PTPRD: variants seen among roughly 807,000 people sequenced by gnomAD.
The protein encoded by PTPRD is receptor-type tyrosine-protein phosphatase delta.
Under a neutral mutation model 214.5 loss-of-function variants are expected in PTPRD, and 34 were observed. The observed-to-expected ratio is 0.16, with a 90% CI of 0.12 to 0.21. PTPRD has a LOEUF of 0.21. PTPRD is among the 10% of genes least tolerant of loss of function. The probability of loss-of-function intolerance (pLI) is 1.00; values close to 1 mark genes in which losing one functional copy is unlikely to be tolerated. For missense variants in PTPRD, 2,545 were observed against 2,398.7 expected (o/e 1.06, Z -1.27); for synonymous variants, 1,128 against 845.7 (o/e 1.33, Z -5.79).
At chr9:9,386,448 C>A (rs186776177) in intron 9 of PTPRD, among the ~76,000 whole-genome samples, 1 of 151,486 alleles carries the variant, frequency 6.6e-6, no homozygotes, top group Non-Finnish European at 1.5e-5. Context: ...CCCGGTAAAA[C>A]GAATGGTGGT....
chr9:8,624,218 G>GA (rs1053277110), intron 14 of PTPRD, among the ~76,000 whole-genome samples: 1 of 151,678 alleles, frequency 6.6e-6, no homozygotes, highest in East Asian at 1.9e-4. Context: ...GTAACAGGGG[G>GA]AAAAAAAGGA....
At chr9:8,411,328 G>A (rs13292038) in intron 35 of PTPRD, among the ~76,000 whole-genome samples, 57,235 of 141,308 alleles carry the variant, frequency 0.41, 11,800 homozygotes, top group Non-Finnish European at 0.48. Flanking sequence ...TTTTTTTTGT[G>A]GCAGGGTCAT....
chr9:9,002,294 G>T (rs1317544926), intron 11 of PTPRD, among the ~76,000 whole-genome samples: 1 of 151,718 alleles, frequency 6.6e-6, no homozygotes, highest in Non-Finnish European at 1.5e-5. Flanking sequence ...ATGAGGCACT[G>T]AAGTATATTA....
intron 10 of PTPRD, among the ~76,000 whole-genome samples, chr9:9,114,276 C>T (rs1009216980): frequency 6.6e-6 from 1 of 152,092 alleles, no homozygotes; most frequent in Non-Finnish European, 1.5e-5. Flanking sequence ...AACGAGGGCA[C>T]TTATGTCTGT....
chr9:10,611,216 T>C (rs1355705420), intron 2 of PTPRD, among the ~76,000 whole-genome samples: 1 of 152,144 alleles, frequency 6.6e-6, no homozygotes, highest in Non-Finnish European at 1.5e-5. Flanking sequence ...TAGACTCTAG[T>C]CAGTATAAGT....
intron 11 of PTPRD, among the ~76,000 whole-genome samples, chr9:8,794,435 C>A (rs1416490163): frequency 6.6e-6 from 1 of 151,864 alleles, no homozygotes; most frequent in Non-Finnish European, 1.5e-5. Context: ...TGAAAGAATT[C>A]CAAATAATTA....
intron 11 of PTPRD, among the ~76,000 whole-genome samples, chr9:8,820,712 T>C (rs1036004374): frequency 2.0e-5 from 3 of 152,060 alleles, no homozygotes; most frequent in Non-Finnish European, 2.9e-5. Context: ...AATTAAAATA[T>C]ATACATACTA....
chr9:8,569,494 T>G (rs1359174203), intron 14 of PTPRD, among the ~76,000 whole-genome samples: 1 of 152,080 alleles, frequency 6.6e-6, no homozygotes, highest in Non-Finnish European at 1.5e-5. Flanking sequence ...CCATAAAAAC[T>G]GGAGAAAAAA....
At chr9:10,412,087 C>G (rs938016679) in intron 2 of PTPRD, among the ~76,000 whole-genome samples, 3 of 151,680 alleles carry the variant, frequency 2.0e-5, no homozygotes, top group Non-Finnish European at 4.4e-5. Flanking sequence ...TTCATGTAAA[C>G]TCTGCAGTGC....
At chr9:9,918,608 C>T (rs1436360954) in intron 5 of PTPRD, among the ~76,000 whole-genome samples, 2 of 151,984 alleles carry the variant, frequency 1.3e-5, no homozygotes, top group African/African-American at 2.4e-5. Flanking sequence ...CATCCTGAGA[C>T]AAAACAGCAA....
intron 2 of PTPRD, among the ~76,000 whole-genome samples, chr9:10,604,278 A>T (rs2078737714): frequency 6.6e-6 from 1 of 151,892 alleles, no homozygotes; most frequent in Non-Finnish European, 1.5e-5. Context: ...CTTTCTCTTA[A>T]AATAGCTATC....
intron 39 of PTPRD, among the ~76,000 whole-genome samples, chr9:8,348,880 A>G (rs2074610850): frequency 6.6e-6 from 1 of 152,056 alleles, no homozygotes; most frequent in Non-Finnish European, 1.5e-5. Context: ...GACAATTTAT[A>G]ACTATTTTTT....
chr9:10,399,855 T>C (rs573327262), intron 2 of PTPRD, among the ~76,000 whole-genome samples: 2 of 151,918 alleles, frequency 1.3e-5, no homozygotes, highest in Admixed American at 6.6e-5. Context: ...AAAGGGGTAT[T>C]TGAGCTGGAG....
intron 2 of PTPRD, among the ~76,000 whole-genome samples, chr9:10,535,519 T>G (rs576076286): frequency 6.6e-6 from 1 of 152,232 alleles, no homozygotes; most frequent in East Asian, 1.9e-4. Context: ...AAAAATGCAC[T>G]TTGCTAATGG....
At chr9:9,371,088 T>C (rs1461223074) in intron 9 of PTPRD, among the ~76,000 whole-genome samples, 1 of 150,590 alleles carries the variant, frequency 6.6e-6, no homozygotes, top group African/African-American at 2.5e-5. Context: ...TTTGTTTTTT[T>C]CTCTGCCAGC....
chr9:9,836,278 A>T (rs777497207), intron 5 of PTPRD, among the ~76,000 whole-genome samples: 11 of 152,134 alleles, frequency 7.2e-5, no homozygotes, highest in Non-Finnish European at 1.2e-4. Context: ...TTATTTGAAT[A>T]CTTCCAGAAT....
intron 6 of PTPRD, among the ~76,000 whole-genome samples, chr9:9,739,231 G>T (rs561942149): frequency 6.6e-6 from 1 of 152,162 alleles, no homozygotes; most frequent in Non-Finnish European, 1.5e-5. Context: ...GAATACAAGT[G>T]GTGATACTGG....
chr9:9,954,034 T>C (rs1278414379), intron 4 of PTPRD, among the ~76,000 whole-genome samples: 37 of 152,118 alleles, frequency 2.4e-4, no homozygotes, highest in Non-Finnish European at 2.9e-5. Flanking sequence ...CGGTGGCTCA[T>C]GCTGGTAATC....
chr9:10,403,935 A>G (rs1297337388), intron 2 of PTPRD, among the ~76,000 whole-genome samples: 1 of 151,680 alleles, frequency 6.6e-6, no homozygotes, highest in African/African-American at 2.4e-5. Context: ...ATGCCATTAC[A>G]ACATTAGTCC....
Sources: allele counts gnomAD v4.1 joint callset (sites outside exome capture counted in the v4.1 genomes callset), GRCh38; gene constraint gnomAD v4.1.1; transcripts MANE v1.5; gene names NCBI Gene and HGNC (gene_info 2026-07-23, HGNC 2026-07-21).